MAP6: variants seen among roughly 807,000 people sequenced by gnomAD.
MAP6 encodes the protein microtubule-associated protein 6.
A neutral mutation model predicts 42.4 loss-of-function variants in MAP6; 26 were observed. That is an observed-to-expected ratio of 0.61 (90% CI 0.45 to 0.85). MAP6 has a LOEUF of 0.85. MAP6 is among the 40% of genes least tolerant of loss of function. The pLI is 0.00. For missense variants in MAP6, 966 were observed against 1,099.0 expected, an observed-to-expected ratio of 0.88 and a Z score of 1.71; for synonymous variants, 418 against 443.8, an observed-to-expected ratio of 0.94 and a Z score of 0.73.
chr11:75,605,935 C>G lies in MAP6; in HGVS notation c.1189G>C (p.Ala397Pro). 1 of 1,614,094 alleles carries G rather than the reference C, an allele frequency of 6.2e-7. No individual in the cohort carries two copies. The highest frequency in any genetic ancestry group is 8.5e-7 in the Non-Finnish European group (1 of 1,180,024). Residue 397 changes from alanine to proline, a missense_variant, in exon 3 of 4, where the codon GCC becomes CCC. Physicochemically the swap from Ala to Pro is conservative, Grantham distance 27. Around this residue, in one of 2 missense-constraint regions of MAP6, gnomAD observed 943 missense variants for 1,049.9 expected, o/e 0.90. Coordinates refer to ENST00000304771, the MANE Select transcript of MAP6 (RefSeq NM_033063.2). The part of the protein sequence containing the change: ...TSASHKPTRK[A>P]KDKQAVSGQA... ...CCTGACACCGCCTGCTTGTCTTTGG[C>G]CTTCCTCGTGGGCTTATGGCTCGCT...
At chr11:75,604,339 A>G (rs1273826791) in intron 3 of MAP6, 2 of 985,484 alleles carry the variant, frequency 2.0e-6, no homozygotes, top group Non-Finnish European at 2.4e-6. Flanking sequence ...TGGAGGCTCC[A>G]CTTCCTCCAA....
chr11:75,594,378 A>G (rs1356753567), intron 3 of MAP6: 1 of 152,222 alleles, frequency 6.6e-6, no homozygotes. Flanking sequence ...AAAGCTCCCA[A>G]CACAGTGATG....
chr11:75,659,954 G>C (rs1030427402), intron 1 of MAP6, among the ~76,000 whole-genome samples: 4 of 152,090 alleles, frequency 2.6e-5, no homozygotes, highest in African/African-American at 9.7e-5. Context: ...CTTCTTTGTG[G>C]GTTAGTCTTG....
chr11:75,667,452 G>C lies in MAP6; in HGVS notation c.905+13C>G. The C allele has an allele frequency of 1.4e-6, 2 of 1,472,018 alleles. No homozygotes were observed. The highest frequency in any genetic ancestry group is 8.9e-7 in the Non-Finnish European group (1 of 1,118,874). The allele number at this position is 1,472,018 out of a possible 1,614,324, so 91.2% of individuals were successfully genotyped here. On this transcript the variant is annotated intron_variant, in intron 1 of 3. Coordinates refer to ENST00000304771, the MANE Select transcript of MAP6 (RefSeq NM_033063.2). This position sits in a 1 kb window ranked among gnomAD's most constrained non-coding sequence, Gnocchi z 5.6. ...GTGGTGACTCCCCCGCGCTAGCAGC[G>C]GCCGCGTCTCACCTGTAGGAGCTGC...
chr11:75,635,655 G>A (rs749788848), intron 1 of MAP6, among the ~76,000 whole-genome samples: 10 of 152,200 alleles, frequency 6.6e-5, no homozygotes, highest in Non-Finnish European at 1.3e-4. Context: ...TGTGACTCGA[G>A]CCTTCTCACA....
intron 3 of MAP6, among the ~76,000 whole-genome samples, chr11:75,600,973 TTTTG>T (rs769159084): frequency 2.2e-4 from 33 of 152,358 alleles, no homozygotes; most frequent in Non-Finnish European, 3.7e-4. Flanking sequence ...CTGGTTTGAA[TTTTG>T]TTTGTTTGCT....
chr11:75,594,490 C>T (rs765832949), intron 3 of MAP6: 2 of 152,162 alleles, frequency 1.3e-5, no homozygotes, highest in East Asian at 1.9e-4. Context: ...AAACAACTCT[C>T]GCTCCGCCTC....
Position 75,609,444 on chromosome 11 carries a change from G to T in MAP6, c.906-1122C>A, listed in dbSNP as rs1178069285. Among the ~76,000 whole-genome samples the T allele has an allele frequency of 3.9e-5, 6 of 152,208 alleles. No individual in the cohort carries two copies. The South Asian group carries it at 8.3e-4, about 21-fold the overall frequency. The stretch of plus-strand genomic sequence containing the variant: ...ATGACTCCCTCCTTCGGGGCTCAGA[G>T]AGGAGTGCCAGGAACAAGGAGGCCG... On this transcript the variant is annotated intron_variant, in intron 1 of 3. Transcript: ENST00000304771.
At position 75,587,516 on chromosome 11, in the gene MAP6, C is replaced by A. The variant is rs1295016362; in HGVS notation, c.1985G>T (p.Gly662Val). The A allele has an allele frequency of 1.2e-6, 2 of 1,614,134 alleles. No individual in the cohort carries two copies. Among genetic ancestry groups the A allele is most frequent in the South Asian group, 1.1e-5 (1 of 91,074 alleles). The stretch of plus-strand genomic sequence containing the variant: ...CTTTACAGGCTCAGAGACCATGGAA[C>A]CTTGATTCTTTATGGGTGCTGTGGC... Reference protein sequence around the residue: ...AMATAPIKNQGSMVSEPVKNQ... With the variant: ...AMATAPIKNQVSMVSEPVKNQ... The change falls in exon 4 of 4, where the codon GGT becomes GTT. Residue 662 changes from glycine to valine, a missense_variant. Gly to Val is a moderately radical substitution (Grantham distance 109). This residue lies in a region of MAP6 where 943 missense variants were observed against 1,049.9 expected (regional missense o/e 0.90). Transcript: ENST00000304771.
intron 1 of MAP6, among the ~76,000 whole-genome samples, chr11:75,629,319 C>G (rs984816389): frequency 4.6e-5 from 7 of 152,092 alleles, no homozygotes; most frequent in Non-Finnish European, 8.8e-5. Flanking sequence ...AACTCCTGGT[C>G]TCAAGTGATC....
chr11:75,648,613 G>C (rs1027310447), intron 1 of MAP6, among the ~76,000 whole-genome samples: 8 of 152,116 alleles, frequency 5.3e-5, no homozygotes, highest in Non-Finnish European at 1.0e-4. Flanking sequence ...AAATGATAAA[G>C]GCAAGGACTA....
At position 75,667,361 on chromosome 11, in the gene MAP6, G is replaced by A. The variant is rs892625407; in HGVS notation, c.905+104C>T. 15 of 1,108,566 alleles carry A rather than the reference G, an allele frequency of 1.4e-5. No homozygotes were observed. The highest frequency in any genetic ancestry group is 5.0e-5 in the African/African-American group (3 of 60,320). The allele number at this position is 1,108,566 out of a possible 1,614,324, so 68.7% of individuals were successfully genotyped here. On this transcript the variant is annotated intron_variant, in intron 1 of 3. Transcript: ENST00000304771. The surrounding 1 kb of genome is among the most constrained non-coding windows in gnomAD (Gnocchi z 5.6). ...GGAGAGGGTGTGGCCTGGGACTGGAGGGAGGCTGCACGCTAGGCCTGCGCT... is the reference window on the plus strand; with the variant it reads ...GGAGAGGGTGTGGCCTGGGACTGGAAGGAGGCTGCACGCTAGGCCTGCGCT...
In MAP6 at chr11:75,668,300, T is replaced by G; in HGVS notation, c.70A>C (p.Ile24Leu). 5.7e-6 allele frequency: 9 copies of G among 1,570,696 alleles called. No homozygotes were observed. Among genetic ancestry groups the G allele is most frequent in the Non-Finnish European group, 6.9e-6 (8 of 1,166,238 alleles). The change falls in exon 1 of 4, where the codon ATC becomes CTC. Residue 24 changes from isoleucine to leucine, a missense_variant. This residue lies in a region of MAP6 where 23 missense variants were observed against 49.1 expected (regional missense o/e 0.47). Coordinates refer to ENST00000304771, the MANE Select transcript of MAP6 (RefSeq NM_033063.2). ...TTGGTGAAAACCAGCGGCACAGCGATGTCCGCTTTGTCCAACTGGTTCCAG... is the reference window on the plus strand; with the variant it reads ...TTGGTGAAAACCAGCGGCACAGCGAGGTCCGCTTTGTCCAACTGGTTCCAG... ...RFWNQLDKAD[I>L]AVPLVFTKYS...
chr11:75,587,731 T>C lies in MAP6; in HGVS notation c.1770A>G (p.Ala590=). ...PVKDEGPMVS[A]SVKDQGPMVS... is the part of the protein sequence containing the mutation. ...CCATGGGACCTTGATCCTTGACAGA[T>C]GCTGAGACCATGGGACCTTCATCCT... The change falls in exon 4 of 4, where the codon GCA becomes GCG. Residue 590 remains alanine, a synonymous_variant. Transcript: ENST00000304771. 6.2e-7 allele frequency: 1 copy of C among 1,609,098 alleles called. No individual in the cohort carries two copies. The highest frequency in any genetic ancestry group is 8.5e-7 in the Non-Finnish European group (1 of 1,177,158).
At chr11:75,657,068 T>C (rs2135688809) in intron 1 of MAP6, among the ~76,000 whole-genome samples, 1 of 152,316 alleles carries the variant, frequency 6.6e-6, no homozygotes, top group East Asian at 1.9e-4. Context: ...GGGATCAATT[T>C]TCTCATCCAC....
chr11:75,667,602 G>T lies in MAP6; in HGVS notation c.768C>A (p.His256Gln). The T allele has an allele frequency of 7.4e-7, 1 of 1,351,948 alleles. No homozygotes were observed. The highest frequency in any genetic ancestry group is 9.4e-7 in the Non-Finnish European group (1 of 1,061,756). The allele number at this position is 1,351,948 out of a possible 1,614,324, so 83.7% of individuals were successfully genotyped here. A position where few individuals can be genotyped will look rare whatever the true frequency, so the allele number is the denominator to read the frequency against. The change falls in exon 1 of 4, where the codon CAC (histidine) becomes CAA (glutamine). Residue 256 changes from histidine (H) to glutamine (Q), a missense_variant. Physicochemically the swap from His to Gln is conservative, Grantham distance 24. Around this residue, in one of 2 missense-constraint regions of MAP6, gnomAD observed 943 missense variants for 1,049.9 expected, o/e 0.90. Transcript: ENST00000304771. This position sits in a 1 kb window ranked among gnomAD's most constrained non-coding sequence, Gnocchi z 5.6. ...GGGCCGCGGGCAGCGGCGTCTGCTC[G>T]TGCCCCAGGCCCTCGGCGCGGCGCA... ...WIVRRAEGLG[H>Q]EQTPLPAAQA... is the part of the protein sequence containing the mutation.
rs749916452 is a variant in MAP6, at chr11:75,668,315, A to G, written c.55T>C (p.Leu19=). The G allele has an allele frequency of 1.3e-5, 21 of 1,576,924 alleles. No homozygotes were observed. The highest frequency in any genetic ancestry group is 5.5e-5 in the South Asian group (5 of 90,144). Residue 19 remains leucine, a synonymous_variant, in exon 1 of 4, where the codon TTG becomes CTG. Coordinates refer to ENST00000304771, the MANE Select transcript of MAP6 (RefSeq NM_033063.2). ...GGCACAGCGATGTCCGCTTTGTCCA[A>G]CTGGTTCCAGAAGCGGGCGATGCAG... ...ACCIARFWNQ[L]DKADIAVPLV...
rs139485704 is a variant in MAP6 at position 75,608,409 on chromosome 11, T to A, written c.906-87A>T. The stretch of plus-strand genomic sequence containing the variant: ...ACACAGGGCTGCAAACACAGCAAGC[T>A]CTCCATCAGTGCTTGCAGCATTGAC... On this transcript the variant is annotated intron_variant, in intron 1 of 3. Transcript: ENST00000304771. 8.0e-6 allele frequency: 8 copies of A among 999,434 alleles called. No homozygotes were observed. The East Asian group carries it at 1.9e-4, about 24-fold the overall frequency. 61.9% of individuals were successfully genotyped at this position (999,434 alleles called of 1,614,324 possible). A position where few individuals can be genotyped will look rare whatever the true frequency, so the allele number is the denominator to read the frequency against.
intron 1 of MAP6, among the ~76,000 whole-genome samples, chr11:75,635,383 A>G (rs1286565138): frequency 6.6e-6 from 1 of 152,236 alleles, no homozygotes; most frequent in Admixed American, 6.5e-5. Flanking sequence ...AACGAGTGGC[A>G]TCTGGTGCTT....
Sources: allele counts gnomAD v4.1 joint callset (sites outside exome capture counted in the v4.1 genomes callset), GRCh38; gene constraint gnomAD v4.1.1; regional missense constraint gnomAD v4.1.1; non-coding constraint Gnocchi (gnomAD v3.1); transcripts MANE v1.5; gene names NCBI Gene and HGNC (gene_info 2026-07-23, HGNC 2026-07-21).